The following RBM34 variants were observed in gnomAD, a reference collection of about 807,000 sequenced individuals.
RBM34 encodes the protein RNA-binding protein 34.
RBM34 carries 39 observed loss-of-function variants against 44.6 expected under a neutral mutation model. The ratio of observed to expected loss-of-function variants is 0.87; its 90% CI spans 0.68 to 1.14. The LOEUF (loss-of-function observed/expected upper bound fraction) is 1.14, where lower values mean the gene tolerates loss of function less well. Among genes scored for constraint, RBM34 ranks in the 50% most tolerant of loss-of-function variants. The pLI, the probability that RBM34 is intolerant of heterozygous loss-of-function variation, is 0.00. For missense variants in RBM34, 572 were observed against 517.9 expected, an observed-to-expected ratio of 1.10 and a Z score of -1.01; for synonymous variants, 194 against 184.0, an observed-to-expected ratio of 1.05 and a Z score of -0.44.
intron 5 of RBM34, among the ~76,000 whole-genome samples, chr1:235,151,743 A>G (rs1205962019): frequency 1.3e-5 from 2 of 152,142 alleles, no homozygotes; most frequent in East Asian, 3.8e-4. Flanking sequence ...AATTAGAAAC[A>G]TGAAAAAGGC....
chr1:235,148,979 G>A (rs1662035667), intron 5 of RBM34, among the ~76,000 whole-genome samples: 1 of 151,980 alleles, frequency 6.6e-6, no homozygotes. Flanking sequence ...AGATTTAACA[G>A]GCAGGGACTC....
intron 3 of RBM34, 73 bp downstream of exon 3, chr1:235,160,438 C>T (rs1662656317): frequency 1.3e-6 from 2 of 1,482,536 alleles, no homozygotes; most frequent in South Asian, 2.4e-5. Context: ...ATAAAACTGA[C>T]GAATATTCCA....
At chr1:235,153,397 T>A in intron 4 of RBM34, among the ~76,000 whole-genome samples, 1 of 152,190 alleles carries the variant, frequency 6.6e-6, no homozygotes, top group Admixed American at 6.5e-5. Context: ...TCTCTCATGT[T>A]TTCACATTGG....
chr1:235,155,871 A>T (rs1331116406), intron 3 of RBM34, among the ~76,000 whole-genome samples: 2 of 35,136 alleles, frequency 5.7e-5, no homozygotes, highest in South Asian at 1.3e-3. Flanking sequence ...ATATATACAT[A>T]TATACTTTTT....
rs867063445 is a variant in RBM34 at position 235,131,945 on chromosome 1, C to G, written c.1061G>C (p.Gly354Ala). Residue 354 changes from glycine to alanine, a missense_variant, in exon 11 of 11, where the codon GGG becomes GCG. Coordinates refer to ENST00000408888, the MANE Select transcript of RBM34 (RefSeq NM_015014.4). Reference protein sequence around the residue: ...ALKLNNSELMGRKLRVMRSVN... With the variant: ...ALKLNNSELMARKLRVMRSVN... ...AGAACGCATGACTCTGAGTTTTCTC[C>G]CCATGAGTTCAGAATTATTTAATTT... 5.6e-6 allele frequency: 9 copies of G among 1,610,814 alleles called. No individual in the cohort carries two copies. Among genetic ancestry groups the G allele is most frequent in the Non-Finnish European group, 6.8e-6 (8 of 1,178,340 alleles).
chr1:235,132,868 C>T (rs1661275386), intron 10 of RBM34, among the ~76,000 whole-genome samples: 1 of 152,046 alleles, frequency 6.6e-6, no homozygotes, highest in Non-Finnish European at 1.5e-5. Context: ...AGAAAGGGAG[C>T]AGACAAGCAG....
At chr1:235,149,795 C>A (rs1403481012) in intron 5 of RBM34, among the ~76,000 whole-genome samples, 1 of 152,092 alleles carries the variant, frequency 6.6e-6, no homozygotes, top group Non-Finnish European at 1.5e-5. Flanking sequence ...AACATAAATG[C>A]CATGTAGGGT....
chr1:235,152,150 A>C lies in RBM34; in HGVS notation c.657+556T>G, dbSNP rs368020546. On this transcript the variant is annotated intron_variant, in intron 5 of 10. Coordinates refer to ENST00000408888, the MANE Select transcript of RBM34 (RefSeq NM_015014.4). Reference sequence around the variant, plus strand: ...AACTATGCCTATGCAGTTAAAAAAAAAAATCATGTATGGGAAAACCAAATA... The same window carrying C: ...AACTATGCCTATGCAGTTAAAAAAACAAATCATGTATGGGAAAACCAAATA... Among the ~76,000 whole-genome samples, 46 of 152,352 alleles carry C rather than the reference A, an allele frequency of 3.0e-4. 1 individual carries two copies. Among genetic ancestry groups the C allele is most frequent in the African/African-American group, 1.1e-3 (44 of 41,582 alleles).
At chr1:235,158,452 A>G (rs1012122938) in intron 3 of RBM34, among the ~76,000 whole-genome samples, 2 of 151,490 alleles carry the variant, frequency 1.3e-5, no homozygotes, top group African/African-American at 4.8e-5. Context: ...AACGAGGGAT[A>G]AGGGAAAGAG....
intron 4 of RBM34, among the ~76,000 whole-genome samples, 192 bp from the exon 5 acceptor site, chr1:235,152,957 C>T (rs572350513): frequency 3.3e-5 from 5 of 151,662 alleles, no homozygotes; most frequent in African/African-American, 9.7e-5. Flanking sequence ...CAACCTCCGC[C>T]CCCACGGCTT....
At chr1:235,154,475 G>T (rs533532766) in intron 4 of RBM34, among the ~76,000 whole-genome samples, 1 of 152,200 alleles carries the variant, frequency 6.6e-6, no homozygotes, top group African/African-American at 2.4e-5. Context: ...GAGGCAGTAA[G>T]ATCACTTGAG....
In RBM34 at chr1:235,138,180, C is replaced by A. The variant is rs139768193; in HGVS notation, c.702-6G>T. The A allele has an allele frequency of 4.3e-4, 650 of 1,524,934 alleles. 4 individuals carry two copies. The East Asian group carries it at 0.014, about 32-fold the overall frequency. The allele number at this position is 1,524,934 out of a possible 1,614,324, so 94.5% of individuals were successfully genotyped here. ...GATCAGGATGAATTTTACGTCTACA[C>A]CAAAAAAAAAAAAAGAAAGAAAGAA... On this transcript the variant is annotated splice_polypyrimidine_tract_variant and splice_region_variant and intron_variant, in intron 6 of 10. Coordinates refer to ENST00000408888, the MANE Select transcript of RBM34 (RefSeq NM_015014.4).
At chr1:235,144,583 A>G (rs111447582) in intron 6 of RBM34, among the ~76,000 whole-genome samples, 46 of 152,010 alleles carry the variant, frequency 3.0e-4, no homozygotes, top group African/African-American at 1.1e-3. Flanking sequence ...CCATAAGCCA[A>G]GTCAAAAAGC....
rs560828008 is a variant in RBM34, at chr1:235,139,862, A to G, written c.702-1688T>C. 7.5e-4 allele frequency among the ~76,000 whole-genome samples: 114 copies of G among 152,308 alleles called. 1 individual carries two copies. The highest frequency in any genetic ancestry group is 2.6e-3 in the African/African-American group (108 of 41,562). ...CGAGCACAGGGGCAAAATGCTGGGC[A>G]CCAGACAAGCAGGAAAGATTCCAGC... On this transcript the variant is annotated intron_variant, in intron 6 of 10. Transcript: ENST00000408888.
Position 235,154,941 on chromosome 1 carries a change from CTCT to C in RBM34, c.534_536del (p.Glu179del), listed in dbSNP as rs753572024. 1.4e-5 allele frequency: 22 copies of C among 1,613,964 alleles called. No individual in the cohort carries two copies. The highest frequency in any genetic ancestry group is 1.8e-5 in the Non-Finnish European group (21 of 1,180,004). On this transcript the variant is annotated inframe_deletion, in exon 4 of 11. Coordinates refer to ENST00000408888, the MANE Select transcript of RBM34 (RefSeq NM_015014.4). ...ACACAGTTCTCTCATTCTTTAATCT[CTCT>C]TCTTCTTGGTTGATTTGAATTTTCT... is the stretch of plus-strand genomic sequence containing the variant.
At chr1:235,158,275 G>A (rs1476892508) in intron 3 of RBM34, among the ~76,000 whole-genome samples, 1 of 152,046 alleles carries the variant, frequency 6.6e-6, no homozygotes, top group Non-Finnish European at 1.5e-5. Context: ...AAATTAGCTG[G>A]GTGTGGTGGT....
At chr1:235,151,921 T>G (rs1662174325) in intron 5 of RBM34, among the ~76,000 whole-genome samples, 1 of 151,792 alleles carries the variant, frequency 6.6e-6, no homozygotes, top group African/African-American at 2.4e-5. Flanking sequence ...TAATCCCAGC[T>G]ACTTGGGAGG....
At chr1:235,159,204 C>G (rs1282942864) in intron 3 of RBM34, among the ~76,000 whole-genome samples, 3 of 147,948 alleles carry the variant, frequency 2.0e-5, no homozygotes, top group Non-Finnish European at 3.0e-5. Context: ...CAGAGCCAGA[C>G]CTTGTCTCAA....
Position 235,135,635 on chromosome 1 carries a change from G to A in RBM34, c.1008+17C>T. On this transcript the variant is annotated intron_variant, in intron 10 of 10. Transcript: ENST00000408888. ...GGGCACTTCGAAGGACAGTGACAAT[G>A]CATTAGTCTCCCATACCTCAAAGAG... The A allele has an allele frequency of 6.3e-7, 1 of 1,588,024 alleles. No individual in the cohort carries two copies. The highest frequency in any genetic ancestry group is 8.6e-7 in the Non-Finnish European group (1 of 1,156,090).
Sources: gnomAD v4.1 joint callset for allele counts (sites outside exome capture counted in the v4.1 genomes callset) on GRCh38, gnomAD v4.1.1 for gene constraint, MANE v1.5 for transcripts, NCBI Gene and HGNC (gene_info 2026-07-23, HGNC 2026-07-21) for gene names.